The following LIMS1 variants were observed in gnomAD, a reference collection of about 807,000 sequenced individuals.
LIMS1 encodes the protein LIM zinc finger domain containing 1.
In LIMS1, 18 loss-of-function variants were observed where a neutral mutation model predicts 44.1. The ratio of observed to expected loss-of-function variants is 0.41; its 90% CI spans 0.28 to 0.61. LIMS1 has a LOEUF of 0.61. Ranked by LOEUF, LIMS1 falls within the 20% of genes least tolerant of loss-of-function variation. LIMS1 has a pLI of 0.32. For missense variants in LIMS1, 201 were observed against 422.0 expected (o/e 0.48, Z 4.59); for synonymous variants, 93 against 149.1 (o/e 0.62, Z 2.74).
chr2:108,583,829 G>T (rs1439830560), intron 1 of LIMS1, among the ~76,000 whole-genome samples: 1 of 151,636 alleles, frequency 6.6e-6, no homozygotes, highest in African/African-American at 2.4e-5. Context: ...CGGGTAACTG[G>T]GACCACAGGC....
At chr2:108,574,678 C>T (rs1335934405) in intron 1 of LIMS1, among the ~76,000 whole-genome samples, 1 of 152,186 alleles carries the variant, frequency 6.6e-6, no homozygotes, top group Non-Finnish European at 1.5e-5. Context: ...ACCTGTTTTA[C>T]AGATGAGAAA....
intron 1 of LIMS1, chr2:108,654,995 A>G: frequency 6.3e-7 from 1 of 1,586,500 alleles, no homozygotes; most frequent in South Asian, 1.2e-5. Context: ...GCTGGGAAGC[A>G]GGGAGGCCTG....
chr2:108,598,231 G>GT (rs1297063499), intron 1 of LIMS1, among the ~76,000 whole-genome samples: 1 of 151,778 alleles, frequency 6.6e-6, no homozygotes, highest in Non-Finnish European at 1.5e-5. Flanking sequence ...CCTCCATCTA[G>GT]TAAGTTTGCC....
intron 1 of LIMS1, chr2:108,621,198 A>G (rs1011958142): frequency 3.7e-6 from 5 of 1,363,814 alleles, no homozygotes; most frequent in Non-Finnish European, 3.9e-6. Context: ...AGTGAGAAAC[A>G]GGAAGCTGTG....
intron 1 of LIMS1, among the ~76,000 whole-genome samples, chr2:108,622,520 T>C (rs1286266811): frequency 6.6e-6 from 1 of 152,342 alleles, no homozygotes; most frequent in East Asian, 1.9e-4. Flanking sequence ...ATTAAAGGAC[T>C]ATTATTGACA....
chr2:108,613,768 T>C lies in LIMS1; in HGVS notation c.33-45837T>C, dbSNP rs1309499041. Among the ~76,000 whole-genome samples, 6 of 152,038 alleles carry C rather than the reference T, an allele frequency of 3.9e-5. No individual in the cohort carries two copies. In the East Asian group the frequency reaches 1.2e-3, roughly 29 times the overall value. ...AACATGCCACCACCCATGTCTCTTG[T>C]CTCATTTCACCTCCTAGCCCTCCCC... On this transcript the variant is annotated intron_variant, in intron 1 of 9. Coordinates refer to ENST00000544547, the Ensembl canonical transcript of LIMS1.
chr2:108,545,358 C>T (rs1483129781), intron 1 of LIMS1, among the ~76,000 whole-genome samples: 1 of 152,152 alleles, frequency 6.6e-6, no homozygotes, highest in Non-Finnish European at 1.5e-5. Context: ...TTCAGCCTCC[C>T]AAGTAGCTGG....
rs117028576 is a variant in LIMS1, at chr2:108,603,716, G to A, written c.33-55889G>A. The stretch of plus-strand genomic sequence containing the variant: ...GATCTGCCTGCTTTGGCCTCCCAAA[G>A]TACTGTGAGCCACCATGCCTGGCCT... On this transcript the variant is annotated intron_variant, in intron 1 of 9. Transcript: ENST00000544547. Among the ~76,000 whole-genome samples the A allele has an allele frequency of 4.9e-4, 75 of 151,902 alleles. 1 individual carries two copies. In the East Asian group the frequency reaches 9.5e-3, roughly 19 times the overall value.
intron 1 of LIMS1, among the ~76,000 whole-genome samples, chr2:108,561,753 T>TTTG (rs1459355648): frequency 6.6e-6 from 1 of 151,094 alleles, no homozygotes; most frequent in Non-Finnish European, 1.5e-5. Context: ...TTTGTTTTTT[T>TTTG]TTTTTTTGAG....
At chr2:108,622,492 A>G (rs533101652) in intron 1 of LIMS1, among the ~76,000 whole-genome samples, 1 of 152,186 alleles carries the variant, frequency 6.6e-6, no homozygotes, top group South Asian at 2.1e-4. Flanking sequence ...TGACTCACCA[A>G]TTTTTGAAGA....
intron 1 of LIMS1, among the ~76,000 whole-genome samples, chr2:108,612,759 T>C (rs530965209): frequency 8.0e-4 from 122 of 152,084 alleles, no homozygotes; most frequent in African/African-American, 2.8e-3. Flanking sequence ...GTCTGGGTCA[T>C]TTGGAGAGAG....
chr2:108,545,723 A>G (rs1254479390), intron 1 of LIMS1, among the ~76,000 whole-genome samples: 1 of 152,172 alleles, frequency 6.6e-6, no homozygotes, highest in Non-Finnish European at 1.5e-5. Context: ...CTCAGGATGA[A>G]TGGTGCCTTG....
intron 1 of LIMS1, among the ~76,000 whole-genome samples, chr2:108,605,612 A>G (rs1004525391): frequency 2.0e-5 from 3 of 152,180 alleles, no homozygotes; most frequent in African/African-American, 4.8e-5. Context: ...TGCCCAGCAC[A>G]TGGCTTCACA....
At chr2:108,638,818 T>G (rs932912920) in intron 1 of LIMS1, among the ~76,000 whole-genome samples, 2 of 151,290 alleles carry the variant, frequency 1.3e-5, no homozygotes, top group African/African-American at 4.9e-5. Context: ...CCGAGGCGGG[T>G]GGATCATGAA....
intron 1 of LIMS1, among the ~76,000 whole-genome samples, chr2:108,634,826 G>A (rs1305470870): frequency 2.0e-5 from 3 of 152,206 alleles, no homozygotes; most frequent in East Asian, 3.8e-4. Flanking sequence ...AGAGCACAGC[G>A]ACTGCCCAAG....
intron 1 of LIMS1, among the ~76,000 whole-genome samples, chr2:108,558,829 C>A (rs1045022964): frequency 7.2e-5 from 11 of 152,022 alleles, no homozygotes; most frequent in African/African-American, 2.7e-4. Flanking sequence ...TGCCACCACA[C>A]CTGGCTAATT....
chr2:108,537,339 T>C (rs1323732092), intron 1 of LIMS1, among the ~76,000 whole-genome samples: 1 of 152,222 alleles, frequency 6.6e-6, no homozygotes, highest in Non-Finnish European at 1.5e-5. Context: ...GTATTGGGGA[T>C]ATTTAAAAAG....
intron 2 of LIMS1, chr2:108,660,299 A>T: frequency 2.1e-6 from 1 of 468,392 alleles, no homozygotes; most frequent in Non-Finnish European, 4.4e-6. Context: ...GTCTACATTT[A>T]GCTCTCCTGG....
In LIMS1 at chr2:108,546,982, G is replaced by T. The variant is rs2104579262; in HGVS notation, c.32+12388G>T. Among the ~76,000 whole-genome samples, 3 of 152,316 alleles carry T rather than the reference G, an allele frequency of 2.0e-5. 1 individual carries two copies. The Middle Eastern group carries it at 0.01, about 518-fold the overall frequency. On this transcript the variant is annotated intron_variant, in intron 1 of 9. Coordinates refer to ENST00000544547, the Ensembl canonical transcript of LIMS1. Reference sequence around the variant, plus strand: ...AGTCTGTTACGGAAAAAATGAAATGGCTGATAGATAAGAGTTCTGATTTCA... The same window carrying T: ...AGTCTGTTACGGAAAAAATGAAATGTCTGATAGATAAGAGTTCTGATTTCA...
Sources: allele counts gnomAD v4.1 joint callset (sites outside exome capture counted in the v4.1 genomes callset), GRCh38; gene constraint gnomAD v4.1.1; transcripts MANE v1.5; gene names NCBI Gene and HGNC (gene_info 2026-07-23, HGNC 2026-07-21).